TNFSF11: variants seen among roughly 807,000 people sequenced by gnomAD.
The protein encoded by TNFSF11 is tumor necrosis factor ligand superfamily member 11.
Under a neutral mutation model 32.2 loss-of-function variants are expected in TNFSF11, and 12 were observed. That is an observed-to-expected ratio of 0.37 (90% confidence interval 0.24 to 0.60). The LOEUF (loss-of-function observed/expected upper bound fraction) is 0.60. TNFSF11 is among the 20% of genes least tolerant of loss of function. The pLI is 0.66. For missense variants in TNFSF11, 345 were observed against 398.0 expected (o/e 0.87, Z 1.13); for synonymous variants, 172 against 152.1 (o/e 1.13, Z -0.96).
At chr13:42,589,595 A>G (rs1345893615) in intron 2 of TNFSF11, among the ~76,000 whole-genome samples, 1 of 152,176 alleles carries the variant, frequency 6.6e-6, no homozygotes, top group Admixed American at 6.5e-5. Context: ...CTGCCTCTTC[A>G]GGCTTGTTAC....
chr13:42,578,446 G>A (rs1358493760), intron 1 of TNFSF11, among the ~76,000 whole-genome samples: 1 of 152,192 alleles, frequency 6.6e-6, no homozygotes, highest in Non-Finnish European at 1.5e-5. Flanking sequence ...GGAAAGGAGA[G>A]CTGCAAGGGC....
At chr13:42,586,021 C>G (rs933074608) in intron 2 of TNFSF11, among the ~76,000 whole-genome samples, 7 of 152,188 alleles carry the variant, frequency 4.6e-5, no homozygotes, top group African/African-American at 1.7e-4. Flanking sequence ...TAGGGACTTT[C>G]TGTATATGTA....
intron 4 of TNFSF11, among the ~76,000 whole-genome samples, chr13:42,603,583 A>G (rs1032107009): frequency 3.3e-5 from 5 of 151,922 alleles, no homozygotes; most frequent in Non-Finnish European, 7.4e-5. Context: ...TTCACTGACA[A>G]TACCCTCCCT....
At chr13:42,586,055 G>C (rs910357800) in intron 2 of TNFSF11, among the ~76,000 whole-genome samples, 6 of 152,186 alleles carry the variant, frequency 3.9e-5, no homozygotes, top group Non-Finnish European at 8.8e-5. Context: ...GCTTTTAAAA[G>C]CTGTGCTTTA....
intron 4 of TNFSF11, among the ~76,000 whole-genome samples, chr13:42,605,116 A>C (rs1383507239): frequency 6.6e-6 from 1 of 152,076 alleles, no homozygotes; most frequent in Non-Finnish European, 1.5e-5. Context: ...TCTCATAAGG[A>C]TTCACTCTAA....
At chr13:42,601,832 C>T (rs552440228) in intron 4 of TNFSF11, among the ~76,000 whole-genome samples, 158 of 152,332 alleles carry the variant, frequency 1.0e-3, no homozygotes, top group Non-Finnish European at 1.8e-3. Context: ...TACCTCTCAT[C>T]CTTACTGCAA....
At position 42,596,317 on chromosome 13, in the gene TNFSF11, A is replaced by G. The variant is rs538199076; in HGVS notation, c.388-4435A>G. On this transcript the variant is annotated intron_variant, in intron 2 of 4. Coordinates refer to ENST00000398795, the MANE Select transcript of TNFSF11 (RefSeq NM_003701.4). ...TTCTGAAGCCCCTGGGAATTCTGAG[A>G]TCATATTTTCTGATGTCCCGGCTCC... 1.2e-4 allele frequency among the ~76,000 whole-genome samples: 18 copies of G among 152,218 alleles called. No homozygotes were observed. The South Asian group carries it at 3.1e-3, about 26-fold the overall frequency.
chr13:42,588,425 GA>G (rs1159332844), intron 2 of TNFSF11, among the ~76,000 whole-genome samples: 2 of 152,230 alleles, frequency 1.3e-5, no homozygotes, highest in African/African-American at 4.8e-5. Flanking sequence ...CATCTTTAAA[GA>G]AACAGAGAGC....
Position 42,601,636 on chromosome 13 carries a change from TAAC to T in TNFSF11, c.532+657_532+659del, listed in dbSNP as rs60333502. Reference sequence around the variant, plus strand: ...ATGGGCTAGATAGCTATCAAAAAGATAACAGAACTTTATGATACAGTGACAATT... The same window carrying T: ...ATGGGCTAGATAGCTATCAAAAAGATAGAACTTTATGATACAGTGACAATT... On this transcript the variant is annotated intron_variant, in intron 4 of 4. Transcript: ENST00000398795. Among the ~76,000 whole-genome samples the T allele has an allele frequency of 4.5e-3, 690 of 152,284 alleles. 6 individuals carry two copies. The highest frequency in any genetic ancestry group is 0.016 in the African/African-American group (644 of 41,540).
At position 42,607,226 on chromosome 13, in the gene TNFSF11, C is replaced by G; in HGVS notation, c.*308C>G. 3.3e-6 allele frequency: 1 copy of G among 303,936 alleles called. No homozygotes were observed. The highest frequency in any genetic ancestry group is 4.4e-5 in the South Asian group (1 of 22,684). The allele number at this position is 303,936 out of a possible 1,614,324, so 18.8% of individuals were successfully genotyped here. On this transcript the variant is annotated 3_prime_UTR_variant, in exon 5 of 5. Transcript: ENST00000398795. Reference sequence around the variant, plus strand: ...CATGTGGGCTATGGGAGGGGTTGGTCCCTGGTCATGTGCCCCTTCGCAGCT... The same window carrying G: ...CATGTGGGCTATGGGAGGGGTTGGTGCCTGGTCATGTGCCCCTTCGCAGCT...
chr13:42,589,040 G>A (rs533813531), intron 2 of TNFSF11, among the ~76,000 whole-genome samples: 3 of 152,284 alleles, frequency 2.0e-5, no homozygotes, highest in Non-Finnish European at 4.4e-5. Flanking sequence ...AGGTAGCGGC[G>A]GCGGTGGTGG....
At chr13:42,600,646 G>A in intron 2 of TNFSF11, 106 bp from the exon 3 acceptor site, 1 of 1,248,464 alleles carries the variant, frequency 8.0e-7, no homozygotes, top group Non-Finnish European at 1.1e-6. Context: ...GGCACCTTTG[G>A]AAGGAAAAGA....
chr13:42,566,738 A>T (rs1456103661), exon 2 of TNFSF11: 4 of 152,414 alleles, frequency 2.6e-5, no homozygotes, highest in Non-Finnish European at 5.9e-5. Flanking sequence ...TCATGCCTGG[A>T]ATCTCAGCTC....
At chr13:42,569,525 G>T (rs113167192), upstream of TNFSF11, among the ~76,000 whole-genome samples, 425 of 147,784 alleles carry the variant, frequency 2.9e-3, 3 homozygotes, top group Middle Eastern at 7.4e-3. Context: ...TCCAGCCTGG[G>T]CTACAGAGCA....
chr13:42,599,139 G>T (rs916177169), intron 2 of TNFSF11, among the ~76,000 whole-genome samples: 2 of 152,174 alleles, frequency 1.3e-5, no homozygotes, highest in African/African-American at 4.8e-5. Context: ...ACTGTGACTA[G>T]AACTTCAGAA....
intron 1 of TNFSF11, among the ~76,000 whole-genome samples, chr13:42,565,989 G>A (rs1373011241): frequency 6.6e-6 from 1 of 152,210 alleles, no homozygotes; most frequent in Non-Finnish European, 1.5e-5. Flanking sequence ...AACACAGAGA[G>A]TATGTGGGGA....
intron 4 of TNFSF11, among the ~76,000 whole-genome samples, chr13:42,605,234 G>T (rs1356435714): frequency 6.6e-6 from 1 of 152,138 alleles, no homozygotes; most frequent in African/African-American, 2.4e-5. Flanking sequence ...GTTGTGGTTG[G>T]GTGTGACAGG....
At chr13:42,597,997 A>G (rs1288326531) in intron 2 of TNFSF11, among the ~76,000 whole-genome samples, 2 of 152,100 alleles carry the variant, frequency 1.3e-5, no homozygotes, top group South Asian at 4.2e-4. Flanking sequence ...GGATGTCGCC[A>G]CACCCAGCTA....
chr13:42,606,507 A>G lies in TNFSF11; in HGVS notation c.543A>G (p.Lys181=). Residue 181 remains lysine, a synonymous_variant, in exon 5 of 5, where the codon AAA becomes AAG. Transcript: ENST00000398795. ...CTCTCTTCTCCACAGGTTCCCATAA[A>G]GTGAGTCTGTCCTCTTGGTACCATG... is the stretch of plus-strand genomic sequence containing the variant. ...NATDIPSGSH[K]VSLSSWYHDR... is the part of the protein sequence containing the mutation. 6.2e-7 allele frequency: 1 copy of G among 1,614,236 alleles called. No homozygotes were observed. Among genetic ancestry groups the G allele is most frequent in the Non-Finnish European group, 8.5e-7 (1 of 1,180,040 alleles).
Sources: gnomAD v4.1 joint callset for allele counts (sites outside exome capture counted in the v4.1 genomes callset) on GRCh38, gnomAD v4.1.1 for gene constraint, MANE v1.5 for transcripts, NCBI Gene and HGNC (gene_info 2026-07-23, HGNC 2026-07-21) for gene names.